TRMT9B: variants seen among roughly 807,000 people sequenced by gnomAD.
The protein encoded by TRMT9B is probable tRNA methyltransferase 9B.
In TRMT9B, 16 loss-of-function variants were observed where a neutral mutation model predicts 11.5. The ratio of observed to expected loss-of-function variants is 1.39; its 90% CI spans 0.94 to 2.11. The LOEUF (loss-of-function observed/expected upper bound fraction) is 2.11, where lower values mean the gene tolerates loss of function less well. Ranked by LOEUF, TRMT9B falls within the 30% of genes most tolerant of loss-of-function variation. The pLI is 0.00. For synonymous variants in TRMT9B, 274 were observed against 192.4 expected (o/e 1.42, Z -3.51); for missense variants, 941 against 553.8 (o/e 1.70, Z -7.02).
chr8:13,010,373 T>A, intron 3 of TRMT9B: 1 of 979,010 alleles, frequency 1.0e-6, no homozygotes, highest in Non-Finnish European at 1.2e-6. Flanking sequence ...TTCAAAGGGA[T>A]GAGGAGAAGA....
chr8:12,982,818 G>T (rs913017884), intron 1 of TRMT9B, among the ~76,000 whole-genome samples: 1 of 152,202 alleles, frequency 6.6e-6, no homozygotes, highest in African/African-American at 2.4e-5. Context: ...CTGACTTCAT[G>T]TGACTGGTTG....
intron 3 of TRMT9B, chr8:13,010,856 T>C (rs948448731): frequency 1.0e-6 from 1 of 980,604 alleles, no homozygotes; most frequent in African/African-American, 1.8e-5. Context: ...TTCCCCATGA[T>C]TGCCTTCAAA....
intron 4 of TRMT9B, among the ~76,000 whole-genome samples, chr8:13,018,480 A>G (rs1485421715): frequency 6.6e-6 from 1 of 152,138 alleles, no homozygotes; most frequent in Non-Finnish European, 1.5e-5. Context: ...GTCTACTGAA[A>G]AGAGACCATT....
chr8:12,984,774 A>G (rs959065892), intron 1 of TRMT9B, among the ~76,000 whole-genome samples: 3 of 152,060 alleles, frequency 2.0e-5, no homozygotes, highest in Non-Finnish European at 4.4e-5. Flanking sequence ...TTTCTTGTTC[A>G]TTTCTGACAT....
rs3832585 is a variant in TRMT9B at position 13,022,185 on chromosome 8, G to GT, written c.*145dup. ...TGCAGAGACTATTAATTATTTGGTT[G>GT]TTTTGTTTTCATTTTTGAATAAGCA... On this transcript the variant is annotated 3_prime_UTR_variant, in exon 5 of 5. Coordinates refer to ENST00000524591, the MANE Select transcript of TRMT9B (RefSeq NM_020844.3). 462,398 of 606,226 alleles carry GT rather than the reference G, an allele frequency of 0.76. 178,314 individuals carry two copies. Among genetic ancestry groups the GT allele is most frequent in the Non-Finnish European group, 0.79 (282,997 of 358,196 alleles). 37.6% of individuals were successfully genotyped at this position (606,226 alleles called of 1,614,324 possible).
chr8:12,975,507 C>G (rs552191893), intron 1 of TRMT9B, among the ~76,000 whole-genome samples: 1 of 152,070 alleles, frequency 6.6e-6, no homozygotes, highest in African/African-American at 2.4e-5. Context: ...GAGGCTGAGG[C>G]AAGCAGATCA....
chr8:13,020,342 C>T (rs1813584666), intron 4 of TRMT9B, among the ~76,000 whole-genome samples: 1 of 152,188 alleles, frequency 6.6e-6, no homozygotes, highest in African/African-American at 2.4e-5. Context: ...CCTAATAACA[C>T]ACTTATGACT....
intron 1 of TRMT9B, among the ~76,000 whole-genome samples, chr8:12,985,376 A>C (rs1318266104): frequency 6.6e-6 from 1 of 152,136 alleles, no homozygotes; most frequent in Non-Finnish European, 1.5e-5. Context: ...ATCATTAAGG[A>C]GTTCTGTGTA....
chr8:12,997,395 G>C (rs1808558458), intron 2 of TRMT9B, among the ~76,000 whole-genome samples: 1 of 152,088 alleles, frequency 6.6e-6, no homozygotes, highest in Non-Finnish European at 1.5e-5. Context: ...ATGAGTAACA[G>C]CTTCCTGAGG....
intron 2 of TRMT9B, among the ~76,000 whole-genome samples, chr8:13,003,330 C>G (rs1403237899): frequency 6.6e-6 from 1 of 152,098 alleles, no homozygotes; most frequent in African/African-American, 2.4e-5. Context: ...ACTCACATGC[C>G]AAAATAGAAT....
intron 1 of TRMT9B, among the ~76,000 whole-genome samples, chr8:12,964,048 T>G (rs1802490825): frequency 6.6e-6 from 1 of 152,222 alleles, no homozygotes; most frequent in South Asian, 2.1e-4. Flanking sequence ...GTACATGAAC[T>G]GTGTAACTTC....
At chr8:12,984,217 G>A (rs1030521880) in intron 1 of TRMT9B, among the ~76,000 whole-genome samples, 1 of 152,022 alleles carries the variant, frequency 6.6e-6, no homozygotes, top group African/African-American at 2.4e-5. Flanking sequence ...TTTAGACTTG[G>A]GTCTCATCTC....
At chr8:12,993,514 T>C (rs1266145132) in intron 2 of TRMT9B, among the ~76,000 whole-genome samples, 1 of 152,088 alleles carries the variant, frequency 6.6e-6, no homozygotes, top group Non-Finnish European at 1.5e-5. Flanking sequence ...AGGGGATAGA[T>C]GTGGGGGGTG....
At chr8:13,008,146 A>C (rs1810850172) in intron 3 of TRMT9B, among the ~76,000 whole-genome samples, 1 of 152,220 alleles carries the variant, frequency 6.6e-6, no homozygotes, top group South Asian at 2.1e-4. Flanking sequence ...CTGTTTAAAG[A>C]CACCTTCTTT....
intron 1 of TRMT9B, among the ~76,000 whole-genome samples, chr8:12,949,541 G>C (rs1449178774): frequency 6.6e-6 from 1 of 152,100 alleles, no homozygotes; most frequent in African/African-American, 2.4e-5. Context: ...TCACTGAAAT[G>C]CCGCTTATGA....
rs143628753 is a variant in TRMT9B at position 12,981,773 on chromosome 8, A to G, written c.-199-9061A>G. 2.9e-3 allele frequency among the ~76,000 whole-genome samples: 443 copies of G among 151,784 alleles called. 2 individuals carry two copies. The highest frequency in any genetic ancestry group is 0.01 in the African/African-American group (428 of 41,384). On this transcript the variant is annotated intron_variant, in intron 1 of 4. Transcript: ENST00000524591. ...CACCACCACACCCGGCTATTTTTCA[A>G]TCTTTTTAGAGACAAGAATCTCATT... is the stretch of plus-strand genomic sequence containing the variant.
rs537958256 is a variant in TRMT9B at position 13,018,186 on chromosome 8, G to C, written c.329-2822G>C. Among the ~76,000 whole-genome samples the C allele has an allele frequency of 2.0e-5, 3 of 150,260 alleles. No homozygotes were observed. The East Asian group carries it at 6.0e-4, about 30-fold the overall frequency. On this transcript the variant is annotated intron_variant, in intron 4 of 4. Transcript: ENST00000524591. ...GGAGGCTGAGGCAGGAGGATGGCTT[G>C]AGCCCAGGAGTTCGATACCAGCCTG... is the stretch of plus-strand genomic sequence containing the variant.
At chr8:12,995,653 G>C (rs113680278) in intron 2 of TRMT9B, among the ~76,000 whole-genome samples, 95 of 152,128 alleles carry the variant, frequency 6.2e-4, no homozygotes, top group African/African-American at 2.0e-3. Flanking sequence ...ACACATGTTT[G>C]TCTTCTTTGT....
At chr8:12,966,377 C>G (rs1304511073) in intron 1 of TRMT9B, among the ~76,000 whole-genome samples, 1 of 152,120 alleles carries the variant, frequency 6.6e-6, no homozygotes, top group Non-Finnish European at 1.5e-5. Context: ...AGCATTGCTA[C>G]TGTATAATAC....
Sources: gnomAD v4.1 joint callset for allele counts (sites outside exome capture counted in the v4.1 genomes callset) on GRCh38, gnomAD v4.1.1 for gene constraint, MANE v1.5 for transcripts, NCBI Gene and HGNC (gene_info 2026-07-23, HGNC 2026-07-21) for gene names.